Variants in FLT1 observed in about 807,000 individuals in gnomAD.
FLT1 encodes the protein fms related receptor tyrosine kinase 1, also known as vascular endothelial growth factor receptor 1.
In FLT1, 49 loss-of-function variants were observed where a neutral mutation model predicts 156.3. That is an observed-to-expected ratio of 0.31 (90% CI 0.25 to 0.40). FLT1 has a LOEUF of 0.40. Ranked by LOEUF, FLT1 falls within the 10% of genes least tolerant of loss-of-function variation. The pLI, the probability that FLT1 is intolerant of heterozygous loss-of-function variation, is 1.00. For missense variants in FLT1, 1,322 were observed against 1,637.2 expected (o/e 0.81, Z 3.32); for synonymous variants, 594 against 583.8 (o/e 1.02, Z -0.25).
chr13:28,379,124 C>T (rs1245023600), intron 14 of FLT1, among the ~76,000 whole-genome samples: 1 of 152,076 alleles, frequency 6.6e-6, no homozygotes, highest in African/African-American at 2.4e-5. Flanking sequence ...AGGCAGATCA[C>T]TTGAGGTCAG....
At chr13:28,366,923 A>C (rs7995976) in intron 14 of FLT1, among the ~76,000 whole-genome samples, 106,190 of 152,044 alleles carry the variant, frequency 0.7, 37,725 homozygotes, top group Admixed American at 0.78. Context: ...GGTAACTCTA[A>C]CTTATTCATT....
At chr13:28,312,790 A>C (rs9554320) in intron 25 of FLT1, among the ~76,000 whole-genome samples, 77,207 of 151,716 alleles carry the variant, frequency 0.51, 22,342 homozygotes, top group East Asian at 0.77. Context: ...ATTCTCCCCC[A>C]GCACTGCAAA....
At chr13:28,444,792 A>G (rs1878518778) in intron 3 of FLT1, among the ~76,000 whole-genome samples, 1 of 152,224 alleles carries the variant, frequency 6.6e-6, no homozygotes, top group African/African-American at 2.4e-5. Context: ...GAAATTTAAA[A>G]AGAAATTAGA....
intron 3 of FLT1, among the ~76,000 whole-genome samples, chr13:28,448,334 T>C (rs150623730): frequency 5.3e-5 from 8 of 152,354 alleles, no homozygotes; most frequent in African/African-American, 1.7e-4. Flanking sequence ...CTATTCATAA[T>C]AGGCAAAAGG....
rs1035738787 is a variant in FLT1 at position 28,308,927 on chromosome 13, T to C, written c.3636A>G (p.Arg1212=). The C allele has an allele frequency of 3.2e-6, 5 of 1,565,224 alleles. No individual in the cohort carries two copies. The highest frequency in any genetic ancestry group is 3.5e-6 in the Non-Finnish European group (4 of 1,135,268). ...TCATGAACTTGAAAGCATTTACGTA[T>C]CTAATGAAGAAACAGAAAGAATTAT... ...KFNSGSSDDV[R]YVNAFKFMSL... The change falls in exon 28 of 30, where the codon AGA becomes AGG. Residue 1212 remains arginine, a splice_region_variant and synonymous_variant. Transcript: ENST00000282397.
rs894090277 is a variant in FLT1, at chr13:28,457,933, CT to C, written c.388+8969del. 9.5e-3 allele frequency among the ~76,000 whole-genome samples: 1,090 copies of C among 114,148 alleles called. 4 individuals carry two copies. Among genetic ancestry groups the C allele is most frequent in the Middle Eastern group, 0.024 (5 of 206 alleles). The allele number at this position is 114,148 out of a possible 152,430, so 74.9% of individuals were successfully genotyped here. ...TTCTTTTCCTTTTTTCTTTCCTTTT[CT>C]TTTTTTTTTTTTTTTTTTGTGATGG... is the stretch of plus-strand genomic sequence containing the variant. On this transcript the variant is annotated intron_variant, in intron 3 of 29. Transcript: ENST00000282397.
chr13:28,401,427 G>A (rs951445651), intron 11 of FLT1, among the ~76,000 whole-genome samples: 1 of 152,120 alleles, frequency 6.6e-6, no homozygotes, highest in Non-Finnish European at 1.5e-5. Flanking sequence ...TGTAAGTTTG[G>A]AGTTTTTCAT....
chr13:28,387,710 T>A, intron 13 of FLT1: 1 of 1,057,520 alleles, frequency 9.5e-7, no homozygotes, highest in Non-Finnish European at 1.1e-6. Context: ...CTCCTTTTTT[T>A]TTTCTCCCCC....
At chr13:28,340,340 C>T (rs1291845788) in intron 16 of FLT1, among the ~76,000 whole-genome samples, 1 of 152,176 alleles carries the variant, frequency 6.6e-6, no homozygotes, top group East Asian at 1.9e-4. Flanking sequence ...CAGACATCTG[C>T]CTTGAAGTGC....
At chr13:28,385,790 T>G in intron 13 of FLT1, 1 of 1,036,174 alleles carries the variant, frequency 9.7e-7, no homozygotes. Flanking sequence ...TACATTAAGA[T>G]GCAATACATT....
chr13:28,411,608 T>C (rs1040820521), intron 10 of FLT1, among the ~76,000 whole-genome samples: 1 of 152,000 alleles, frequency 6.6e-6, no homozygotes, highest in Non-Finnish European at 1.5e-5. Flanking sequence ...TATCACAATT[T>C]TTTTCTCTCC....
At chr13:28,456,841 G>T (rs58759217) in intron 3 of FLT1, among the ~76,000 whole-genome samples, 17,761 of 151,828 alleles carry the variant, frequency 0.12, 1,323 homozygotes, top group Admixed American at 0.2. Flanking sequence ...TTTGCCAGGG[G>T]TTGGGATTAA....
Position 28,430,161 on chromosome 13 carries a change from G to C in FLT1, c.995C>G (p.Ala332Gly), listed in dbSNP as rs926263904. The change falls in exon 8 of 30, where the codon GCA (alanine) becomes GGA (glycine). Residue 332 changes from alanine to glycine, a missense_variant. Coordinates refer to ENST00000282397, the MANE Select transcript of FLT1 (RefSeq NM_002019.4). The part of the protein sequence containing the change: ...VNTSVHIYDK[A>G]FITVKHRKQQ... ...TTTTCGATGTTTCACAGTGATGAATGCTTTATCTTTGAAAGGAGAAGTGAT... is the reference window on the plus strand; with the variant it reads ...TTTTCGATGTTTCACAGTGATGAATCCTTTATCTTTGAAAGGAGAAGTGAT... 6.2e-7 allele frequency: 1 copy of C among 1,609,100 alleles called. No individual in the cohort carries two copies. The highest frequency in any genetic ancestry group is 8.5e-7 in the Non-Finnish European group (1 of 1,175,520).
chr13:28,305,827 T>C (rs573423498), intron 29 of FLT1, among the ~76,000 whole-genome samples: 1 of 152,208 alleles, frequency 6.6e-6, no homozygotes. Context: ...GTATTTCATG[T>C]GTGACCCAAG....
At chr13:28,397,164 T>C in intron 11 of FLT1, 96 bp from the exon 12 acceptor site, 1 of 755,620 alleles carries the variant, frequency 1.3e-6, no homozygotes, top group Non-Finnish European at 2.3e-6. Flanking sequence ...AGCTACTCCA[T>C]TCATTCTGCA....
At chr13:28,346,592 C>A (rs1015981354) in intron 15 of FLT1, among the ~76,000 whole-genome samples, 1 of 151,750 alleles carries the variant, frequency 6.6e-6, no homozygotes, top group Admixed American at 6.6e-5. Context: ...CACTTGTAAT[C>A]CCAGCTACTC....
chr13:28,470,410 G>A (rs1880095974), intron 1 of FLT1, among the ~76,000 whole-genome samples: 1 of 152,072 alleles, frequency 6.6e-6, no homozygotes, highest in Non-Finnish European at 1.5e-5. Context: ...TTGAGCAATT[G>A]TTCATGTGCT....
At chr13:28,469,882 T>C (rs1034668603) in intron 1 of FLT1, among the ~76,000 whole-genome samples, 2 of 152,014 alleles carry the variant, frequency 1.3e-5, no homozygotes, top group African/African-American at 4.8e-5. Context: ...GCCTCCTGAG[T>C]AGCTGGGACT....
chr13:28,343,833 G>A (rs544156064), intron 16 of FLT1, among the ~76,000 whole-genome samples: 206 of 151,642 alleles, frequency 1.4e-3, no homozygotes, highest in African/African-American at 4.7e-3. Flanking sequence ...TAGTAGAGAC[G>A]GGGTTTCATC....
Sources: allele counts gnomAD v4.1 joint callset (sites outside exome capture counted in the v4.1 genomes callset), GRCh38; gene constraint gnomAD v4.1.1; transcripts MANE v1.5; gene names NCBI Gene and HGNC (gene_info 2026-07-23, HGNC 2026-07-21).